The following YWHAE variants were observed in gnomAD, a reference collection of about 807,000 sequenced individuals.
The protein encoded by YWHAE is 14-3-3 protein epsilon.
Under a neutral mutation model 30.1 loss-of-function variants are expected in YWHAE, and 4 were observed. That is an observed-to-expected ratio of 0.13 (90% CI 0.07 to 0.30). The LOEUF (loss-of-function observed/expected upper bound fraction) is 0.30. Ranked by LOEUF, YWHAE falls within the 10% of genes least tolerant of loss-of-function variation. The probability of loss-of-function intolerance (pLI) is 1.00; values close to 1 mark genes in which losing one functional copy is unlikely to be tolerated. For missense variants in YWHAE, 121 were observed against 315.9 expected, an observed-to-expected ratio of 0.38 and a Z score of 4.68; for synonymous variants, 118 against 111.8, an observed-to-expected ratio of 1.06 and a Z score of -0.35.
At chr17:1,384,208 A>T (rs2073263080) in intron 1 of YWHAE, among the ~76,000 whole-genome samples, 2 of 152,172 alleles carry the variant, frequency 1.3e-5, no homozygotes, top group South Asian at 4.2e-4. Flanking sequence ...TGTCTCAAAA[A>T]AATAAAAATA....
At chr17:1,352,924 C>G (rs1415858779) in intron 5 of YWHAE, among the ~76,000 whole-genome samples, 3 of 152,144 alleles carry the variant, frequency 2.0e-5, no homozygotes, top group Non-Finnish European at 4.4e-5. Context: ...GTAAAACTAT[C>G]CTGTAATACT....
intron 1 of YWHAE, among the ~76,000 whole-genome samples, chr17:1,396,544 T>C (rs1202691214): frequency 1.3e-5 from 2 of 152,192 alleles, no homozygotes; most frequent in African/African-American, 2.4e-5. Flanking sequence ...GGGAAGAGAC[T>C]AGGAAAGGAC....
intron 4 of YWHAE, among the ~76,000 whole-genome samples, chr17:1,355,023 T>C (rs1270684440): frequency 1.7e-5 from 2 of 118,268 alleles, no homozygotes; most frequent in African/African-American, 3.2e-5. Flanking sequence ...TTGCCCAGGC[T>C]GGACTTGAAC....
At chr17:1,349,481 T>C (rs2072585600) in intron 5 of YWHAE, among the ~76,000 whole-genome samples, 1 of 152,240 alleles carries the variant, frequency 6.6e-6, no homozygotes, top group Admixed American at 6.5e-5. Context: ...GTTGAACTAT[T>C]TCATGACTGG....
chr17:1,345,621 C>G, intron 5 of YWHAE, 122 bp from the exon 6 acceptor site: 1 of 995,132 alleles, frequency 1.0e-6, no homozygotes, highest in African/African-American at 1.6e-5. Context: ...GTATTAAACG[C>G]AGGCAAAGGA....
At chr17:1,354,978 T>C (rs1240881198) in intron 4 of YWHAE, among the ~76,000 whole-genome samples, 1 of 74,620 alleles carries the variant, frequency 1.3e-5, no homozygotes, top group Non-Finnish European at 2.6e-5. Context: ...TTTTTTTTTT[T>C]TTTTTTTTTT....
rs185578400 is a variant in YWHAE at position 1,362,091 on chromosome 17, G to A, written c.265-83C>T. ...TACATATTCTATCTCTGGTTTTGAGGTAGAGAGCTTAGTATTAAAAAGAAT... is the reference window on the plus strand; with the variant it reads ...TACATATTCTATCTCTGGTTTTGAGATAGAGAGCTTAGTATTAAAAAGAAT... On this transcript the variant is annotated intron_variant, in intron 2 of 5. Transcript: ENST00000264335. The A allele has an allele frequency of 2.9e-4, 228 of 798,514 alleles. 1 individual carries two copies. The highest frequency in any genetic ancestry group is 1.7e-4 in the Non-Finnish European group (92 of 535,432). The allele number at this position is 798,514 out of a possible 1,614,324, so 49.5% of individuals were successfully genotyped here.
At chr17:1,358,420 T>C (rs1326538961) in intron 4 of YWHAE, among the ~76,000 whole-genome samples, 1 of 152,002 alleles carries the variant, frequency 6.6e-6, no homozygotes. Context: ...TTTGTATTTT[T>C]AGTAGAGACG....
chr17:1,360,340 G>C (rs1466678274), intron 4 of YWHAE, among the ~76,000 whole-genome samples: 1 of 152,092 alleles, frequency 6.6e-6, no homozygotes, highest in Non-Finnish European at 1.5e-5. Context: ...CAAAAACTGG[G>C]AACAAGCTGA....
intron 4 of YWHAE, among the ~76,000 whole-genome samples, chr17:1,356,009 A>C (rs1050297998): frequency 6.6e-6 from 1 of 152,166 alleles, no homozygotes; most frequent in Non-Finnish European, 1.5e-5. Context: ...TCTACTAAAA[A>C]TACAAAAAAA....
At chr17:1,370,254 G>A (rs1434757633) in intron 1 of YWHAE, among the ~76,000 whole-genome samples, 1 of 149,564 alleles carries the variant, frequency 6.7e-6, no homozygotes, top group Non-Finnish European at 1.5e-5. Context: ...AGCCTCCCGA[G>A]TAGCTGGGAC....
rs2072489614 is a variant in YWHAE at position 1,344,806 on chromosome 17, A to C, written c.*641T>G. The C allele has an allele frequency of 4.3e-6, 1 of 232,978 alleles. No individual in the cohort carries two copies. The highest frequency in any genetic ancestry group is 8.5e-6 in the Non-Finnish European group (1 of 117,700). 14.4% of individuals were successfully genotyped at this position (232,978 alleles called of 1,614,324 possible). On this transcript the variant is annotated 3_prime_UTR_variant, in exon 6 of 6. Coordinates refer to ENST00000264335, the MANE Select transcript of YWHAE (RefSeq NM_006761.5). ...GCTTTTCCATACCACCTTCAACGCT[A>C]ACCTGCTTCAGTGGGAGAGTAAAGT... is the stretch of plus-strand genomic sequence containing the variant.
At chr17:1,371,141 G>A (rs2073037085) in intron 1 of YWHAE, among the ~76,000 whole-genome samples, 1 of 152,014 alleles carries the variant, frequency 6.6e-6, no homozygotes, top group African/African-American at 2.4e-5. Context: ...ATGATACAGT[G>A]GCACCATCTC....
At chr17:1,374,738 A>G (rs935947436) in intron 1 of YWHAE, among the ~76,000 whole-genome samples, 4 of 152,170 alleles carry the variant, frequency 2.6e-5, no homozygotes, top group African/African-American at 9.7e-5. Flanking sequence ...CTCTGGAGAA[A>G]TATCTATTCA....
At chr17:1,363,645 C>A (rs569923306) in intron 2 of YWHAE, among the ~76,000 whole-genome samples, 3 of 152,224 alleles carry the variant, frequency 2.0e-5, no homozygotes, top group African/African-American at 7.2e-5. Context: ...TGGGATAATA[C>A]CTCCCCCTTC....
At chr17:1,358,806 G>A (rs77438020) in intron 4 of YWHAE, among the ~76,000 whole-genome samples, 17,194 of 138,036 alleles carry the variant, frequency 0.12, 1,713 homozygotes, top group East Asian at 0.54. Flanking sequence ...CTCCAGCCTG[G>A]CCAGCAGAGC....
At chr17:1,346,575 A>G (rs1056810208) in intron 5 of YWHAE, among the ~76,000 whole-genome samples, 1 of 152,262 alleles carries the variant, frequency 6.6e-6, no homozygotes, top group Non-Finnish European at 1.5e-5. Flanking sequence ...CAAATGTCAC[A>G]GCATCAAGGT....
At chr17:1,346,867 T>C (rs1412981918) in intron 5 of YWHAE, among the ~76,000 whole-genome samples, 2 of 151,238 alleles carry the variant, frequency 1.3e-5, no homozygotes, top group Admixed American at 1.3e-4. Context: ...GGCACATGCC[T>C]GTAATCCCAG....
intron 1 of YWHAE, among the ~76,000 whole-genome samples, chr17:1,374,512 A>G (rs780980442): frequency 1.5e-4 from 23 of 152,300 alleles, no homozygotes; most frequent in Admixed American, 2.0e-4. Flanking sequence ...AGGACATCCC[A>G]AACTTTTCTA....
Sources: allele counts gnomAD v4.1 joint callset (sites outside exome capture counted in the v4.1 genomes callset), GRCh38; gene constraint gnomAD v4.1.1; transcripts MANE v1.5; gene names NCBI Gene and HGNC (gene_info 2026-07-23, HGNC 2026-07-21).